ATP8A2: variants seen among roughly 807,000 people sequenced by gnomAD.
ATP8A2 encodes the protein ATPase phospholipid transporting 8A2.
ATP8A2 carries 100 observed loss-of-function variants against 165.6 expected under a neutral mutation model. The observed-to-expected ratio is 0.60, with a 90% CI of 0.51 to 0.71. ATP8A2 has a LOEUF of 0.71. ATP8A2 is among the 30% of genes least tolerant of loss of function. ATP8A2 has a pLI of 0.00. For missense variants in ATP8A2, 1,227 were observed against 1,479.5 expected (o/e 0.83, Z 2.80); for synonymous variants, 543 against 548.8 (o/e 0.99, Z 0.15).
intron 33 of ATP8A2, among the ~76,000 whole-genome samples, chr13:25,916,390 T>G (rs2139011757): frequency 6.6e-6 from 1 of 152,304 alleles, no homozygotes; most frequent in Non-Finnish European, 1.5e-5. Context: ...ATTCCCTTGG[T>G]GGGGACATTC....
intron 24 of ATP8A2, among the ~76,000 whole-genome samples, chr13:25,671,919 G>A (rs1027402774): frequency 6.6e-6 from 1 of 152,142 alleles, no homozygotes; most frequent in African/African-American, 2.4e-5. Flanking sequence ...TGCAGCTTGT[G>A]GGGTATCACG....
chr13:25,524,706 G>C (rs1480495621), intron 2 of ATP8A2, among the ~76,000 whole-genome samples: 1 of 152,018 alleles, frequency 6.6e-6, no homozygotes, highest in Non-Finnish European at 1.5e-5. Context: ...CATTCTGTGT[G>C]TGTCTTTATA....
intron 35 of ATP8A2, among the ~76,000 whole-genome samples, chr13:25,978,115 G>A (rs956800123): frequency 2.7e-5 from 4 of 148,806 alleles, no homozygotes; most frequent in African/African-American, 1.0e-4. Context: ...TTTTTAAGTA[G>A]TGATGAAATA....
chr13:25,607,694 C>CA (rs147127460), intron 24 of ATP8A2, among the ~76,000 whole-genome samples: 5,959 of 152,224 alleles, frequency 0.039, 141 homozygotes, highest in Non-Finnish European at 0.053. Flanking sequence ...ATTTCTGAAA[C>CA]AGTGTTTTTA....
chr13:25,531,455 GATTATATA>G (rs1566230759), intron 4 of ATP8A2, among the ~76,000 whole-genome samples: 6 of 33,020 alleles, frequency 1.8e-4, no homozygotes, highest in Admixed American at 8.0e-4. Context: ...TTATATATAT[GATTATATA>G]TATGTTATAT....
At chr13:25,439,424 T>C (rs2034870263) in intron 1 of ATP8A2, among the ~76,000 whole-genome samples, 1 of 152,078 alleles carries the variant, frequency 6.6e-6, no homozygotes, top group African/African-American at 2.4e-5. Flanking sequence ...GCATTTTAAA[T>C]GAAAAAAAAG....
chr13:25,549,570 G>A (rs1593511883), intron 10 of ATP8A2, among the ~76,000 whole-genome samples: 2 of 151,712 alleles, frequency 1.3e-5, no homozygotes, highest in Admixed American at 6.6e-5. Context: ...TTTAAGTCAG[G>A]AATTATTTCA....
intron 24 of ATP8A2, among the ~76,000 whole-genome samples, chr13:25,656,272 G>C (rs2041924809): frequency 1.2e-5 from 1 of 86,044 alleles, no homozygotes; most frequent in South Asian, 2.9e-4. Flanking sequence ...ATTACTTAAA[G>C]TTGGATTTTT....
chr13:25,512,005 T>G (rs1248159237), intron 2 of ATP8A2, among the ~76,000 whole-genome samples: 1 of 151,976 alleles, frequency 6.6e-6, no homozygotes, highest in African/African-American at 2.4e-5. Context: ...CAAAGGTCTC[T>G]AGTTTTCCTA....
intron 27 of ATP8A2, among the ~76,000 whole-genome samples, chr13:25,804,444 T>C (rs988644680): frequency 6.6e-6 from 1 of 152,348 alleles, no homozygotes. Flanking sequence ...TCTATAATTT[T>C]AACCAATTTT....
chr13:25,864,812 T>C (rs1391839982), intron 33 of ATP8A2, among the ~76,000 whole-genome samples: 3 of 152,210 alleles, frequency 2.0e-5, no homozygotes, highest in Non-Finnish European at 4.4e-5. Flanking sequence ...GGTACTCTGC[T>C]GTCTGAGTCT....
At chr13:25,448,150 C>T (rs1346233188) in intron 1 of ATP8A2, among the ~76,000 whole-genome samples, 6 of 152,094 alleles carry the variant, frequency 3.9e-5, no homozygotes, top group African/African-American at 1.4e-4. Flanking sequence ...GGGACTCTGT[C>T]CTTTTCTACC....
chr13:25,953,934 G>A lies in ATP8A2; in HGVS notation c.3184-7641G>A, dbSNP rs544762327. Among the ~76,000 whole-genome samples, 234 of 150,146 alleles carry A rather than the reference G, an allele frequency of 1.6e-3. No homozygotes were observed. The highest frequency in any genetic ancestry group is 5.7e-3 in the African/African-American group (229 of 40,476). ...AGCACAAAACTGCATGGCTGTTTCG[G>A]CAGACACCGAGCTAGCTGCAGGAGT... On this transcript the variant is annotated intron_variant, in intron 33 of 36. Transcript: ENST00000381655. The surrounding 1 kb of genome is among the most constrained non-coding windows in gnomAD (Gnocchi z 6.7).
At chr13:25,805,909 G>T (rs916434855) in intron 27 of ATP8A2, among the ~76,000 whole-genome samples, 2 of 151,994 alleles carry the variant, frequency 1.3e-5, no homozygotes, top group Non-Finnish European at 2.9e-5. Context: ...TATCCAGTAT[G>T]TATAAGAAAG....
At chr13:25,544,372 G>T (rs1305021434) in intron 10 of ATP8A2, among the ~76,000 whole-genome samples, 3 of 152,252 alleles carry the variant, frequency 2.0e-5, no homozygotes, top group Non-Finnish European at 4.4e-5. Flanking sequence ...ATCGAGCTAG[G>T]GAAGGGAGAC....
intron 1 of ATP8A2, among the ~76,000 whole-genome samples, chr13:25,407,280 G>T (rs1050726379): frequency 2.0e-5 from 3 of 152,174 alleles, no homozygotes; most frequent in African/African-American, 4.8e-5. Flanking sequence ...TCATCATTTG[G>T]CTTCTTTCCC....
At chr13:25,878,955 G>A (rs1952895739) in intron 33 of ATP8A2, among the ~76,000 whole-genome samples, 2 of 152,168 alleles carry the variant, frequency 1.3e-5, no homozygotes, top group Admixed American at 1.3e-4. Context: ...TCGTTTGTGT[G>A]TCCCAGCATT....
Position 25,532,112 on chromosome 13 carries a change from G to T in ATP8A2, c.421-160G>T, listed in dbSNP as rs149618466. On this transcript the variant is annotated intron_variant, in intron 4 of 36. Transcript: ENST00000381655. ...GAGACCACTTCTAAACTTAGGGAGT[G>T]CTGATAGATCACAAAATTGTCTAAC... Among the ~76,000 whole-genome samples the T allele has an allele frequency of 3.3e-5, 5 of 152,322 alleles. No homozygotes were observed. In the East Asian group the frequency reaches 9.6e-4, roughly 29 times the overall value.
intron 35 of ATP8A2, among the ~76,000 whole-genome samples, chr13:26,002,848 CTGTGTGTGTGTGTGTGTGTGTGTG>C (rs199795279): frequency 1.5e-5 from 2 of 134,720 alleles, no homozygotes; most frequent in Admixed American, 7.4e-5. Flanking sequence ...TAGTATTCCA[CTGTGTGTGTGTGTGTGTGTGTGTG>C]TGTGTGTGTG....
Sources: gnomAD v4.1 joint callset for allele counts (sites outside exome capture counted in the v4.1 genomes callset) on GRCh38, gnomAD v4.1.1 for gene constraint, Gnocchi (gnomAD v3.1) non-coding constraint, MANE v1.5 for transcripts, NCBI Gene and HGNC (gene_info 2026-07-23, HGNC 2026-07-21) for gene names.